Variants in DLG2 observed in about 807,000 individuals in gnomAD.
DLG2 encodes disks large homolog 2.
A neutral mutation model predicts 132.5 loss-of-function variants in DLG2; 45 were observed. The observed-to-expected ratio is 0.34, with a 90% CI of 0.27 to 0.44. The LOEUF (loss-of-function observed/expected upper bound fraction) is 0.44. Among genes scored for constraint, DLG2 ranks in the 20% least tolerant of loss-of-function variants. The probability of loss-of-function intolerance (pLI) is 1.00; values close to 1 mark genes in which losing one functional copy is unlikely to be tolerated. For missense variants in DLG2, 1,045 were observed against 1,196.9 expected (o/e 0.87, Z 1.87); for synonymous variants, 424 against 419.6 (o/e 1.01, Z -0.13).
intron 3 of DLG2, among the ~76,000 whole-genome samples, chr11:85,368,457 G>C (rs2084718484): frequency 6.6e-6 from 1 of 152,152 alleles, no homozygotes. Context: ...CAAATCATTT[G>C]ACATATATCC....
intron 6 of DLG2, among the ~76,000 whole-genome samples, chr11:84,753,968 C>T (rs1028056907): frequency 2.0e-5 from 3 of 152,100 alleles, no homozygotes; most frequent in Admixed American, 6.5e-5. Context: ...CCGACCAATG[C>T]GTTTTGCAAA....
chr11:84,090,458 T>G (rs986349026), intron 10 of DLG2, among the ~76,000 whole-genome samples: 1 of 151,734 alleles, frequency 6.6e-6, no homozygotes, highest in African/African-American at 2.4e-5. Flanking sequence ...CTATCAAATT[T>G]TAATGACTAC....
At chr11:84,426,924 G>A (rs1357102464) in intron 7 of DLG2, among the ~76,000 whole-genome samples, 1 of 152,034 alleles carries the variant, frequency 6.6e-6, no homozygotes, top group African/African-American at 2.4e-5. Context: ...TTTATAAGGA[G>A]GATCTAGAAA....
At chr11:85,484,526 C>G (rs1038665743) in intron 3 of DLG2, among the ~76,000 whole-genome samples, 1 of 151,288 alleles carries the variant, frequency 6.6e-6, no homozygotes, top group Admixed American at 6.6e-5. Flanking sequence ...ACAACCCCAT[C>G]AAAAAGTGGG....
intron 4 of DLG2, among the ~76,000 whole-genome samples, chr11:85,196,728 C>T (rs2081094861): frequency 6.6e-6 from 1 of 152,160 alleles, no homozygotes; most frequent in Non-Finnish European, 1.5e-5. Flanking sequence ...CACTGAAGTG[C>T]TTTAAGAACA....
chr11:84,950,509 G>A (rs1480349792), intron 6 of DLG2, among the ~76,000 whole-genome samples: 1 of 152,118 alleles, frequency 6.6e-6, no homozygotes, highest in Non-Finnish European at 1.5e-5. Flanking sequence ...ATGCACATAT[G>A]CAGCTACACT....
intron 21 of DLG2, among the ~76,000 whole-genome samples, chr11:83,531,039 G>A (rs2095729788): frequency 6.6e-6 from 1 of 152,046 alleles, no homozygotes; most frequent in East Asian, 1.9e-4. Context: ...CTAAATGTAA[G>A]AGCTAAAATT....
At chr11:84,819,381 T>C (rs2153981242) in intron 6 of DLG2, among the ~76,000 whole-genome samples, 1 of 152,040 alleles carries the variant, frequency 6.6e-6, no homozygotes, top group African/African-American at 2.4e-5. Context: ...CAGTGGTTTT[T>C]CTTCAGTGAC....
intron 3 of DLG2, among the ~76,000 whole-genome samples, chr11:85,596,867 A>G (rs943645149): frequency 2.0e-5 from 3 of 152,254 alleles, no homozygotes; most frequent in Non-Finnish European, 4.4e-5. Flanking sequence ...TAATCAGTAC[A>G]TAGGTGCCCA....
At chr11:83,719,608 T>C (rs2087787132) in intron 18 of DLG2, among the ~76,000 whole-genome samples, 1 of 152,132 alleles carries the variant, frequency 6.6e-6, no homozygotes, top group African/African-American at 2.4e-5. Flanking sequence ...CAGGCCCTTT[T>C]TGGCAACCAG....
intron 17 of DLG2, among the ~76,000 whole-genome samples, chr11:83,797,814 G>A (rs115154440): frequency 0.023 from 3,508 of 152,236 alleles, 131 homozygotes; most frequent in African/African-American, 0.08. Context: ...CACTGCACCC[G>A]GCCGCGTTTG....
intron 6 of DLG2, among the ~76,000 whole-genome samples, chr11:84,731,561 G>GA (rs1201127879): frequency 6.6e-6 from 1 of 151,846 alleles, no homozygotes; most frequent in Non-Finnish European, 1.5e-5. Flanking sequence ...CAAATAGAGG[G>GA]AATAGGATAT....
intron 19 of DLG2, among the ~76,000 whole-genome samples, chr11:83,587,790 T>A (rs1430627337): frequency 1.3e-5 from 2 of 152,068 alleles, no homozygotes; most frequent in African/African-American, 2.4e-5. Context: ...GCGCGCACCG[T>A]GCGCGAGCCG....
At chr11:83,733,966 G>A (rs970196452) in intron 18 of DLG2, among the ~76,000 whole-genome samples, 1 of 126,528 alleles carries the variant, frequency 7.9e-6, no homozygotes, top group Non-Finnish European at 1.6e-5. Flanking sequence ...ATTCCACTCT[G>A]TATGTCCACA....
intron 8 of DLG2, among the ~76,000 whole-genome samples, chr11:84,207,075 C>CTATA (rs1478236533): frequency 1.8e-4 from 19 of 105,716 alleles, no homozygotes; most frequent in South Asian, 3.6e-4. Flanking sequence ...CTCTCTCTCT[C>CTATA]TCTCTCTATA....
chr11:83,509,032 T>C lies in DLG2; in HGVS notation c.2193+23676A>G, dbSNP rs527459370. Among the ~76,000 whole-genome samples, 11 of 152,312 alleles carry C rather than the reference T, an allele frequency of 7.2e-5. No homozygotes were observed. The South Asian group carries it at 1.7e-3, about 23-fold the overall frequency. On this transcript the variant is annotated intron_variant, in intron 21 of 27. Transcript: ENST00000376104. ...AGAGCTCAATGACTGTTTCATAATATAGTTTGTTCAAATGTAGTCACGTGA... is the reference window on the plus strand; with the variant it reads ...AGAGCTCAATGACTGTTTCATAATACAGTTTGTTCAAATGTAGTCACGTGA...
chr11:84,486,543 T>C (rs2099151347), intron 7 of DLG2, among the ~76,000 whole-genome samples: 2 of 152,150 alleles, frequency 1.3e-5, no homozygotes. Context: ...TACATGTTTA[T>C]GCGAGTGACA....
chr11:85,398,823 T>A (rs1211537372), intron 3 of DLG2, among the ~76,000 whole-genome samples: 1 of 152,158 alleles, frequency 6.6e-6, no homozygotes, highest in Non-Finnish European at 1.5e-5. Flanking sequence ...CAAGACAGAT[T>A]CACAGCCAAA....
intron 7 of DLG2, among the ~76,000 whole-genome samples, chr11:84,305,780 C>T (rs941940276): frequency 6.6e-6 from 1 of 151,932 alleles, no homozygotes; most frequent in Non-Finnish European, 1.5e-5. Flanking sequence ...AGTTTTGATA[C>T]AAGTTGAGTT....
Sources: gnomAD v4.1 joint callset for allele counts (sites outside exome capture counted in the v4.1 genomes callset) on GRCh38, gnomAD v4.1.1 for gene constraint, MANE v1.5 for transcripts, NCBI Gene and HGNC (gene_info 2026-07-23, HGNC 2026-07-21) for gene names.